Variants in FNBP4 observed in about 807,000 individuals in gnomAD.
The protein encoded by FNBP4 is formin-binding protein 4.
A neutral mutation model predicts 119.3 loss-of-function variants in FNBP4; 34 were observed. The ratio of observed to expected loss-of-function variants is 0.28; its 90% CI spans 0.22 to 0.38. The LOEUF (loss-of-function observed/expected upper bound fraction) is 0.38, where lower values mean the gene tolerates loss of function less well. Ranked by LOEUF, FNBP4 falls within the 10% of genes least tolerant of loss-of-function variation. The pLI is 1.00. For synonymous variants in FNBP4, 462 were observed against 430.6 expected, an observed-to-expected ratio of 1.07 and a Z score of -0.90; for missense variants, 1,112 against 1,228.9, an observed-to-expected ratio of 0.90 and a Z score of 1.42.
chr11:47,740,250 A>C (rs1237890841), intron 8 of FNBP4, among the ~76,000 whole-genome samples: 1 of 151,878 alleles, frequency 6.6e-6, no homozygotes, highest in Admixed American at 6.6e-5. Context: ...CCCTGTCTGT[A>C]CTAAAAATAC....
At position 47,732,771 on chromosome 11, in the gene FNBP4, C is replaced by A; in HGVS notation, c.1687-101G>T. The A allele has an allele frequency of 9.1e-7, 1 of 1,102,712 alleles. No homozygotes were observed. The highest frequency in any genetic ancestry group is 1.4e-5 in the South Asian group (1 of 73,906). The allele number at this position is 1,102,712 out of a possible 1,614,324, so 68.3% of individuals were successfully genotyped here. The stretch of plus-strand genomic sequence containing the variant: ...TCTGCTCCAAGACTATATCCCTGTG[C>A]TCTGGCAGGACAGTAGACCAGAGAG... On this transcript the variant is annotated intron_variant, in intron 10 of 16. Transcript: ENST00000263773. This position sits in a 1 kb window ranked among gnomAD's most constrained non-coding sequence, Gnocchi z 4.2.
chr11:47,757,008 G>A (rs2097620403), intron 2 of FNBP4, among the ~76,000 whole-genome samples: 1 of 152,132 alleles, frequency 6.6e-6, no homozygotes, highest in South Asian at 2.1e-4. Context: ...TAAACATAAC[G>A]TGTGCATGTG....
intron 16 of FNBP4, among the ~76,000 whole-genome samples, chr11:47,719,566 TTA>T (rs1565117112): frequency 1.7e-4 from 22 of 129,832 alleles, no homozygotes; most frequent in African/African-American, 5.5e-4. Context: ...AGTTAATATG[TTA>T]TGTGTGTATG....
chr11:47,719,568 ATGTGTGTATGTG>A (rs1337112972), intron 16 of FNBP4, among the ~76,000 whole-genome samples: 3 of 104,822 alleles, frequency 2.9e-5, no homozygotes, highest in African/African-American at 1.1e-4. Flanking sequence ...TTAATATGTT[ATGTGTGTATGTG>A]TGTGTGTGTG....
At chr11:47,743,196 AT>A (rs932895724) in intron 8 of FNBP4, among the ~76,000 whole-genome samples, 2 of 152,076 alleles carry the variant, frequency 1.3e-5, no homozygotes, top group African/African-American at 4.8e-5. Flanking sequence ...CCACTACAGA[AT>A]TAGGGCCACA....
At chr11:47,729,534 G>A (rs2097565072) in intron 12 of FNBP4, 2 of 983,772 alleles carry the variant, frequency 2.0e-6, no homozygotes, top group South Asian at 9.4e-5. Context: ...TTGAGACAGG[G>A]TCTTGTTCTC....
chr11:47,767,118 G>A lies in FNBP4; in HGVS notation c.171C>T (p.Thr57=), dbSNP rs866909960. The change falls in exon 1 of 17, where the codon ACC becomes ACT. Residue 57 remains threonine, a synonymous_variant. Transcript: ENST00000263773. ...SQPAPSAATT[T]TTAVTAAAAS... is the part of the protein sequence containing the mutation. ...CCGCGGCGGCAGTCACCGCGGTGGT[G>A]GTGGTCGTCGCCGCCGACGGGGCGG... 1.3e-5 allele frequency: 16 copies of A among 1,268,734 alleles called. No individual in the cohort carries two copies. Among genetic ancestry groups the A allele is most frequent in the African/African-American group, 5.0e-5 (3 of 59,614 alleles). The allele number at this position is 1,268,734 out of a possible 1,614,324, so 78.6% of individuals were successfully genotyped here.
At chr11:47,749,217 G>A (rs2097596862) in intron 6 of FNBP4, among the ~76,000 whole-genome samples, 1 of 152,118 alleles carries the variant, frequency 6.6e-6, no homozygotes, top group Admixed American at 6.6e-5. Context: ...TCTGCAGTGA[G>A]CCATGGTCGT....
At position 47,734,012 on chromosome 11, in the gene FNBP4, A is replaced by AC; in HGVS notation, c.1686+12_1686+13insG. On this transcript the variant is annotated intron_variant, in intron 10 of 16. Transcript: ENST00000263773. ...TAACTGTTTATGCCAAAAAAAAAAA[A>AC]AAAAAGACTTACCTCAGTCTGTAAG... 2.1e-6 allele frequency: 3 copies of AC among 1,424,134 alleles called. No individual in the cohort carries two copies. The highest frequency in any genetic ancestry group is 2.8e-6 in the Non-Finnish European group (3 of 1,059,216). 88.2% of individuals were successfully genotyped at this position (1,424,134 alleles called of 1,614,324 possible). A position where few individuals can be genotyped will look rare whatever the true frequency, so the allele number is the denominator to read the frequency against.
intron 7 of FNBP4, 110 bp downstream of exon 7, chr11:47,745,946 G>T: frequency 2.1e-6 from 2 of 945,680 alleles, no homozygotes; most frequent in Non-Finnish European, 3.2e-6. Flanking sequence ...ATACCTAGAT[G>T]ATGGGATAAG....
At chr11:47,734,223 T>A in intron 9 of FNBP4, 94 bp from the exon 10 acceptor site, 1 of 642,934 alleles carries the variant, frequency 1.6e-6, no homozygotes, top group Non-Finnish European at 2.5e-6. Context: ...ATATTAGAAA[T>A]ATGGGTCTGC....
chr11:47,745,404 T>C (rs1303886173), intron 7 of FNBP4, among the ~76,000 whole-genome samples: 3 of 152,108 alleles, frequency 2.0e-5, no homozygotes, highest in Admixed American at 2.0e-4. Flanking sequence ...ACTGCCGCTC[T>C]GGGAATGTCT....
In FNBP4 at chr11:47,716,618, C is replaced by A. The variant is rs1444720975; in HGVS notation, c.*804G>T. The A allele has an allele frequency of 2.0e-5, 3 of 152,640 alleles. No individual in the cohort carries two copies. Among genetic ancestry groups the A allele is most frequent in the African/African-American group, 7.2e-5 (3 of 41,458 alleles). 9.5% of individuals were successfully genotyped at this position (152,640 alleles called of 1,614,324 possible). A position where few individuals can be genotyped will look rare whatever the true frequency, so the allele number is the denominator to read the frequency against. ...TTTAAAACACAATTTGCCGTTTCCT[C>A]AGTTTAAAGTGACTTTTACCTGATT... On this transcript the variant is annotated 3_prime_UTR_variant, in exon 17 of 17. Transcript: ENST00000263773.
intron 7 of FNBP4, among the ~76,000 whole-genome samples, chr11:47,744,919 G>A (rs2097587450): frequency 6.6e-6 from 1 of 152,094 alleles, no homozygotes; most frequent in Admixed American, 6.6e-5. Context: ...GGGAAGTCAG[G>A]GATCCTGAAT....
At chr11:47,729,905 G>A (rs2097565509) in intron 12 of FNBP4, 1 of 985,390 alleles carries the variant, frequency 1.0e-6, no homozygotes, top group Non-Finnish European at 1.2e-6. Context: ...AATAAAGAGA[G>A]GCTTAAGAAT....
intron 4 of FNBP4, 144 bp from the exon 5 acceptor site, chr11:47,751,434 C>T: frequency 1.1e-6 from 1 of 883,524 alleles, no homozygotes; most frequent in Non-Finnish European, 1.7e-6. Context: ...GAGGGGCAAT[C>T]CTATGTGGAG....
At position 47,759,947 on chromosome 11, in the gene FNBP4, C is replaced by A. The variant is rs188090479; in HGVS notation, c.314-5283G>T. Reference sequence around the variant, plus strand: ...CAACCTGGGGAACAAGAACAAAACTCTAACTCAAAATAAATTAATTAAAAA... The same window carrying A: ...CAACCTGGGGAACAAGAACAAAACTATAACTCAAAATAAATTAATTAAAAA... On this transcript the variant is annotated intron_variant, in intron 2 of 16. Transcript: ENST00000263773. Among the ~76,000 whole-genome samples, 27 of 152,236 alleles carry A rather than the reference C, an allele frequency of 1.8e-4. No individual in the cohort carries two copies. The East Asian group carries it at 2.1e-3, about 12-fold the overall frequency.
chr11:47,720,422 G>A (rs2097554249), intron 15 of FNBP4, among the ~76,000 whole-genome samples: 1 of 151,902 alleles, frequency 6.6e-6, no homozygotes, highest in South Asian at 2.1e-4. Context: ...CAAAAAATTA[G>A]CCAGACGTGG....
intron 2 of FNBP4, among the ~76,000 whole-genome samples, chr11:47,755,623 TA>T (rs1342600874): frequency 2.1e-5 from 2 of 94,152 alleles, no homozygotes; most frequent in Non-Finnish European, 4.3e-5. Flanking sequence ...GTCTATCCCA[TA>T]AAAACAAAAA....
Sources: gnomAD v4.1 joint callset for allele counts (sites outside exome capture counted in the v4.1 genomes callset) on GRCh38, gnomAD v4.1.1 for gene constraint, Gnocchi (gnomAD v3.1) non-coding constraint, MANE v1.5 for transcripts, NCBI Gene and HGNC (gene_info 2026-07-23, HGNC 2026-07-21) for gene names.